MRTFB: variants seen among roughly 807,000 people sequenced by gnomAD.
MRTFB encodes myocardin-related transcription factor B.
A neutral mutation model predicts 104.2 loss-of-function variants in MRTFB; 29 were observed. The ratio of observed to expected loss-of-function variants is 0.28; its 90% CI spans 0.21 to 0.38. The LOEUF is 0.38. Ranked by LOEUF, MRTFB falls within the 10% of genes least tolerant of loss-of-function variation. MRTFB has a pLI of 1.00. For synonymous variants in MRTFB, 535 were observed against 519.5 expected, an observed-to-expected ratio of 1.03 and a Z score of -0.41; for missense variants, 1,270 against 1,341.6, an observed-to-expected ratio of 0.95 and a Z score of 0.83.
intron 11 of MRTFB, among the ~76,000 whole-genome samples, 160 bp from the exon 12 acceptor site, chr16:14,246,313 T>C (rs2043015188): frequency 6.6e-6 from 1 of 152,226 alleles, no homozygotes. Flanking sequence ...TCTGTAGTTA[T>C]CTGTTTCTGT....
At chr16:14,096,883 A>T (rs1031760391) in intron 2 of MRTFB, among the ~76,000 whole-genome samples, 17 of 152,236 alleles carry the variant, frequency 1.1e-4, no homozygotes, top group African/African-American at 3.9e-4. Context: ...GTCAAGCTCC[A>T]TTCTTCTTGC....
chr16:14,069,715 C>G (rs2033582423), upstream of MRTFB, among the ~76,000 whole-genome samples: 1 of 152,188 alleles, frequency 6.6e-6, no homozygotes, highest in Non-Finnish European at 1.5e-5. Flanking sequence ...CTCCTAGGCT[C>G]AAGTGATCCT....
chr16:14,066,476 T>C (rs1402153103), upstream of MRTFB, among the ~76,000 whole-genome samples: 1 of 152,154 alleles, frequency 6.6e-6, no homozygotes, highest in Non-Finnish European at 1.5e-5. Flanking sequence ...GGTTTCACCA[T>C]GTTGGTCAGG....
chr16:14,238,571 G>A (rs1389864154), intron 9 of MRTFB, among the ~76,000 whole-genome samples: 1 of 152,176 alleles, frequency 6.6e-6, no homozygotes, highest in Non-Finnish European at 1.5e-5. Context: ...ACAGTGACTG[G>A]CTGAGAGAGG....
intron 2 of MRTFB, among the ~76,000 whole-genome samples, chr16:14,125,570 G>T (rs2037067363): frequency 6.6e-6 from 1 of 152,212 alleles, no homozygotes; most frequent in Non-Finnish European, 1.5e-5. Flanking sequence ...TTTCCAGTTG[G>T]TAGTTTTTTA....
intron 2 of MRTFB, among the ~76,000 whole-genome samples, chr16:14,108,513 A>G (rs2036111521): frequency 6.6e-6 from 1 of 152,182 alleles, no homozygotes; most frequent in Admixed American, 6.5e-5. Flanking sequence ...GGCTGTGTAC[A>G]TGTTAGCTGT....
At chr16:14,079,732 C>T (rs577722085) in intron 2 of MRTFB, among the ~76,000 whole-genome samples, 5 of 150,718 alleles carry the variant, frequency 3.3e-5, no homozygotes, top group East Asian at 4.0e-4. Context: ...TGGTGAGATA[C>T]GAACACTTAA....
chr16:14,131,743 G>A (rs1044434703), intron 2 of MRTFB, among the ~76,000 whole-genome samples: 3 of 151,402 alleles, frequency 2.0e-5, no homozygotes, highest in African/African-American at 7.3e-5. Flanking sequence ...ACCACAATGA[G>A]TTACCACTTT....
intron 3 of MRTFB, among the ~76,000 whole-genome samples, chr16:14,176,110 G>T (rs541890247): frequency 9.2e-5 from 14 of 152,116 alleles, no homozygotes; most frequent in Non-Finnish European, 1.8e-4. Flanking sequence ...CAGCAAAATT[G>T]ATTTTGAGGT....
At chr16:14,132,198 C>A (rs1843559389) in intron 2 of MRTFB, among the ~76,000 whole-genome samples, 1 of 152,060 alleles carries the variant, frequency 6.6e-6, no homozygotes, top group African/African-American at 2.4e-5. Context: ...TTCTATGATT[C>A]TATTTATGTG....
At chr16:13,999,191 CAAAA>C in the MRTFB span, among the ~76,000 whole-genome samples, 7 of 78,202 alleles carry the variant, frequency 9.0e-5, no homozygotes, top group Admixed American at 1.4e-4. Context: ...ACTCTGTCTC[CAAAA>C]AAAAAAAAAA....
At chr16:14,086,495 T>C (rs536593121) in intron 2 of MRTFB, among the ~76,000 whole-genome samples, 103 of 152,358 alleles carry the variant, frequency 6.8e-4, no homozygotes, top group Middle Eastern at 6.8e-3. Context: ...AAATTAAATG[T>C]AGGCAGACTT....
intron 2 of MRTFB, among the ~76,000 whole-genome samples, chr16:14,099,753 C>T (rs1037606894): frequency 2.0e-5 from 3 of 151,750 alleles, no homozygotes; most frequent in Non-Finnish European, 4.4e-5. Context: ...CTGCAGCCTC[C>T]GCCTCCTTGG....
At chr16:14,186,883 T>C (rs1229226556) in intron 3 of MRTFB, 4 of 1,597,892 alleles carry the variant, frequency 2.5e-6, no homozygotes, top group Non-Finnish European at 3.4e-6. Context: ...TTTCTCCTGC[T>C]TGATGCTGCC....
At chr16:14,153,979 C>A (rs1450884716) in intron 3 of MRTFB, among the ~76,000 whole-genome samples, 1 of 152,156 alleles carries the variant, frequency 6.6e-6, no homozygotes, top group African/African-American at 2.4e-5. Flanking sequence ...GTGCTTACAA[C>A]TACATGAAAT....
At chr16:14,099,439 A>T (rs2035575175) in intron 2 of MRTFB, among the ~76,000 whole-genome samples, 1 of 147,228 alleles carries the variant, frequency 6.8e-6, no homozygotes, top group African/African-American at 2.6e-5. Flanking sequence ...GCAGTGGTGT[A>T]ATCTCAGCTC....
intron 2 of MRTFB, among the ~76,000 whole-genome samples, chr16:14,131,405 T>G (rs1245385304): frequency 6.6e-6 from 1 of 152,134 alleles, no homozygotes; most frequent in African/African-American, 2.4e-5. Flanking sequence ...TGATGGTTTC[T>G]TAGGTATGAC....
At chr16:14,030,007 G>A in the MRTFB span, among the ~76,000 whole-genome samples, 2 of 151,062 alleles carry the variant, frequency 1.3e-5, no homozygotes, top group African/African-American at 4.8e-5. Flanking sequence ...GGGGAGGGGG[G>A]AGGGGAGGAG....
At chr16:14,020,920 G>C in the MRTFB span, 1 of 152,332 alleles carries the variant, frequency 6.6e-6, no homozygotes, top group East Asian at 1.9e-4. Flanking sequence ...CTGATAGGCT[G>C]CTAATGCCTT....
Sources: gnomAD v4.1 joint callset for allele counts (sites outside exome capture counted in the v4.1 genomes callset) on GRCh38, gnomAD v4.1.1 for gene constraint, MANE v1.5 for transcripts, NCBI Gene and HGNC (gene_info 2026-07-23, HGNC 2026-07-21) for gene names.